The following CHN1 variants were observed in gnomAD, a reference collection of about 807,000 sequenced individuals.
The protein encoded by CHN1 is chimerin 1.
A neutral mutation model predicts 59.5 loss-of-function variants in CHN1; 37 were observed. The observed-to-expected ratio is 0.62, with a 90% CI of 0.48 to 0.82. The LOEUF is 0.82. Ranked by LOEUF, CHN1 falls within the 40% of genes least tolerant of loss-of-function variation. The pLI is 0.00. For missense variants in CHN1, 469 were observed against 571.0 expected, an observed-to-expected ratio of 0.82 and a Z score of 1.82; for synonymous variants, 206 against 200.4, an observed-to-expected ratio of 1.03 and a Z score of -0.24.
intron 1 of CHN1, among the ~76,000 whole-genome samples, chr2:174,993,348 A>G (rs1177775295): frequency 1.3e-5 from 2 of 152,186 alleles, no homozygotes; most frequent in Admixed American, 6.5e-5. Flanking sequence ...TATCATGATT[A>G]TCTTAAATAC....
At chr2:174,981,973 T>A (rs1455241077) in intron 1 of CHN1, among the ~76,000 whole-genome samples, 2 of 152,132 alleles carry the variant, frequency 1.3e-5, no homozygotes, top group African/African-American at 4.8e-5. Flanking sequence ...CAGGCCCCGG[T>A]GTGTGATGTT....
chr2:174,981,353 C>T (rs187995683), intron 1 of CHN1, among the ~76,000 whole-genome samples: 4 of 151,836 alleles, frequency 2.6e-5, no homozygotes, highest in Admixed American at 2.6e-4. Flanking sequence ...CCACTGAGCA[C>T]CCCAGAAGCT....
chr2:174,978,303 A>C (rs1270282395), intron 1 of CHN1, among the ~76,000 whole-genome samples: 1 of 152,208 alleles, frequency 6.6e-6, no homozygotes, highest in Admixed American at 6.5e-5. Flanking sequence ...AAAAATCTAG[A>C]CCAGCTGTCT....
At chr2:174,983,892 C>T (rs532937387) in intron 1 of CHN1, among the ~76,000 whole-genome samples, 41 of 152,230 alleles carry the variant, frequency 2.7e-4, no homozygotes, top group South Asian at 1.2e-3. Flanking sequence ...AAGACAAATC[C>T]TTTCATTGAC....
chr2:174,980,612 C>T (rs1691115854), intron 1 of CHN1, among the ~76,000 whole-genome samples: 1 of 152,082 alleles, frequency 6.6e-6, no homozygotes, highest in Non-Finnish European at 1.5e-5. Context: ...ATTTAAAATT[C>T]AGGTGAGATA....
intron 11 of CHN1, among the ~76,000 whole-genome samples, chr2:174,807,444 A>C (rs866012938): frequency 1.1e-5 from 1 of 90,282 alleles, no homozygotes; most frequent in African/African-American, 4.1e-5. Context: ...TTCACGGGCT[A>C]TCTGTGTGTG....
chr2:174,974,083 C>A (rs776968611), intron 1 of CHN1, among the ~76,000 whole-genome samples: 4 of 152,128 alleles, frequency 2.6e-5, no homozygotes, highest in Admixed American at 6.6e-5. Flanking sequence ...CACTTCAGGA[C>A]TCAAAATACC....
chr2:174,809,231 C>G (rs979498627), intron 10 of CHN1, among the ~76,000 whole-genome samples, 189 bp from the exon 11 acceptor site: 1 of 152,194 alleles, frequency 6.6e-6, no homozygotes, highest in Non-Finnish European at 1.5e-5. Context: ...TGATCTCCAG[C>G]ATGCCTTACC....
intron 3 of CHN1, among the ~76,000 whole-genome samples, chr2:174,924,021 T>C (rs1278869320): frequency 6.6e-6 from 1 of 152,164 alleles, no homozygotes; most frequent in Non-Finnish European, 1.5e-5. Flanking sequence ...CATGTCTAGA[T>C]AGTAAAGGGG....
chr2:174,815,503 C>T (rs1159726431), intron 8 of CHN1, among the ~76,000 whole-genome samples: 6 of 151,994 alleles, frequency 3.9e-5, no homozygotes, highest in East Asian at 1.9e-4. Context: ...GCCCATAATC[C>T]GGTGAGTTCC....
intron 1 of CHN1, among the ~76,000 whole-genome samples, chr2:174,982,356 C>T (rs918896344): frequency 6.6e-6 from 1 of 152,162 alleles, no homozygotes; most frequent in African/African-American, 2.4e-5. Flanking sequence ...AGTTCTAGAT[C>T]CCTGAGGAAT....
At chr2:174,834,198 TCCC>T (rs1685984876) in intron 7 of CHN1, among the ~76,000 whole-genome samples, 1 of 152,156 alleles carries the variant, frequency 6.6e-6, no homozygotes, top group African/African-American at 2.4e-5. Flanking sequence ...TACTTCCACT[TCCC>T]CCATCCTCTA....
chr2:174,885,152 G>A (rs140965194), intron 5 of CHN1, among the ~76,000 whole-genome samples: 5 of 150,726 alleles, frequency 3.3e-5, no homozygotes, highest in East Asian at 3.9e-4. Context: ...CCAGGCGCCC[G>A]TAGTCCCAGC....
intron 1 of CHN1, among the ~76,000 whole-genome samples, chr2:174,992,660 A>C (rs1691579527): frequency 6.6e-6 from 1 of 152,208 alleles, no homozygotes; most frequent in Non-Finnish European, 1.5e-5. Context: ...CCTTGACCAA[A>C]CTTTAGTCAG....
At chr2:174,808,178 C>T (rs545815107) in intron 11 of CHN1, among the ~76,000 whole-genome samples, 1 of 152,284 alleles carries the variant, frequency 6.6e-6, no homozygotes, top group South Asian at 2.1e-4. Context: ...TCTGAGTGAA[C>T]TTATACAAGC....
chr2:174,814,768 C>T (rs1685190028), intron 8 of CHN1, among the ~76,000 whole-genome samples: 2 of 152,150 alleles, frequency 1.3e-5, no homozygotes, highest in South Asian at 4.1e-4. Context: ...CTAAGTTGAA[C>T]TCAAGGCTAA....
At chr2:174,806,995 T>G (rs1285572033) in intron 11 of CHN1, among the ~76,000 whole-genome samples, 1 of 152,216 alleles carries the variant, frequency 6.6e-6, no homozygotes, top group East Asian at 1.9e-4. Context: ...AATTTCTACC[T>G]TGATTTCCGA....
At chr2:174,835,547 T>TC (rs1434220351) in intron 7 of CHN1, among the ~76,000 whole-genome samples, 1 of 152,020 alleles carries the variant, frequency 6.6e-6, no homozygotes, top group Non-Finnish European at 1.5e-5. Context: ...CTTGCTATTG[T>TC]CCCACTGGTC....
chr2:174,900,697 C>T (rs1160222932), intron 5 of CHN1, among the ~76,000 whole-genome samples: 1 of 151,416 alleles, frequency 6.6e-6, no homozygotes, highest in Non-Finnish European at 1.5e-5. Context: ...CCCAGCTACA[C>T]GGGAGGGTGA....
Sources: gnomAD v4.1 joint callset for allele counts (sites outside exome capture counted in the v4.1 genomes callset) on GRCh38, gnomAD v4.1.1 for gene constraint, MANE v1.5 for transcripts, NCBI Gene and HGNC (gene_info 2026-07-23, HGNC 2026-07-21) for gene names.